The following BNC2 variants were observed in gnomAD, a reference collection of about 807,000 sequenced individuals.
BNC2 encodes the protein basonuclin zinc finger protein 2.
A neutral mutation model predicts 76.3 loss-of-function variants in BNC2; 20 were observed. The observed-to-expected ratio is 0.26, with a 90% confidence interval of 0.18 to 0.38. The LOEUF is 0.38. BNC2 is among the 10% of genes least tolerant of loss of function. The pLI is 1.00. For missense variants in BNC2, 1,382 were observed against 1,399.8 expected (o/e 0.99, Z 0.20); for synonymous variants, 582 against 514.8 (o/e 1.13, Z -1.77).
chr9:16,724,778 T>C (rs1488228680), intron 3 of BNC2, among the ~76,000 whole-genome samples: 1 of 152,154 alleles, frequency 6.6e-6, no homozygotes, highest in African/African-American at 2.4e-5. Flanking sequence ...CACATAAAAC[T>C]AGATTATTAA....
intron 1 of BNC2, among the ~76,000 whole-genome samples, chr9:16,849,257 G>C (rs1189470257): frequency 6.6e-6 from 1 of 151,150 alleles, no homozygotes. Context: ...AAATTTTCTA[G>C]AGTCTGACTT....
intron 5 of BNC2, among the ~76,000 whole-genome samples, chr9:16,450,106 T>C (rs934727507): frequency 4.6e-5 from 7 of 152,196 alleles, no homozygotes; most frequent in Admixed American, 6.5e-5. Context: ...GCCAATTTCA[T>C]TGATGCATTT....
chr9:16,626,699 A>C (rs186726126), intron 3 of BNC2, among the ~76,000 whole-genome samples: 76 of 151,738 alleles, frequency 5.0e-4, no homozygotes, highest in African/African-American at 1.2e-3. Context: ...ACACACACAC[A>C]CCCTGTATTC....
At chr9:16,844,776 T>C (rs1043189019) in intron 1 of BNC2, among the ~76,000 whole-genome samples, 1 of 152,182 alleles carries the variant, frequency 6.6e-6, no homozygotes, top group Non-Finnish European at 1.5e-5. Flanking sequence ...ATTACAGGCA[T>C]GCGCCACCGC....
At chr9:16,542,383 G>C (rs1034730663) in intron 5 of BNC2, among the ~76,000 whole-genome samples, 1 of 152,110 alleles carries the variant, frequency 6.6e-6, no homozygotes, top group African/African-American at 2.4e-5. Context: ...AAAGAAAAGA[G>C]AGAGAAGAAG....
At chr9:16,556,664 A>G (rs1818842900) in intron 4 of BNC2, among the ~76,000 whole-genome samples, 1 of 146,252 alleles carries the variant, frequency 6.8e-6, no homozygotes. Context: ...GTTACTCAGG[A>G]GGCTGAGGCA....
chr9:16,677,981 A>C (rs1822702523), intron 3 of BNC2, among the ~76,000 whole-genome samples: 2 of 152,294 alleles, frequency 1.3e-5, no homozygotes, highest in Admixed American at 1.3e-4. Flanking sequence ...CCAACATTAT[A>C]AATGAAAATG....
chr9:16,627,612 T>C (rs539698221), intron 3 of BNC2, among the ~76,000 whole-genome samples: 2 of 152,294 alleles, frequency 1.3e-5, no homozygotes, highest in African/African-American at 4.8e-5. Context: ...CCATACAATT[T>C]GAGTCTGCTT....
chr9:16,629,355 A>C (rs1288665784), intron 3 of BNC2, among the ~76,000 whole-genome samples: 1 of 152,220 alleles, frequency 6.6e-6, no homozygotes, highest in Non-Finnish European at 1.5e-5. Flanking sequence ...CAGAAGACTC[A>C]CTACATTCAG....
At position 16,700,355 on chromosome 9, in the gene BNC2, A is replaced by G. The variant is rs80228514; in HGVS notation, c.330+27442T>C. On this transcript the variant is annotated intron_variant, in intron 3 of 6. Transcript: ENST00000380672. ...CTTGAGGTCTTGATAGCAAGACCCC[A>G]TATCTACAAAAAATTAGCCAGGCTT... 5.3e-5 allele frequency among the ~76,000 whole-genome samples: 8 copies of G among 152,134 alleles called. No individual in the cohort carries two copies. In the East Asian group the frequency reaches 1.2e-3, roughly 22 times the overall value.
Position 16,772,301 on chromosome 9 carries a change from C to G in BNC2, c.4-33816G>C, listed in dbSNP as rs552585029. 1.2e-4 allele frequency among the ~76,000 whole-genome samples: 18 copies of G among 152,222 alleles called. No individual in the cohort carries two copies. The South Asian group carries it at 1.2e-3, about 11-fold the overall frequency. ...TATCAGAGTTGATACCCTTCTCCTA[C>G]AGGGGCAAGTGAATTATTAGATCTG... On this transcript the variant is annotated intron_variant, in intron 1 of 6. Transcript: ENST00000380672.
chr9:16,717,130 T>C (rs1198401002), intron 3 of BNC2, among the ~76,000 whole-genome samples: 1 of 152,224 alleles, frequency 6.6e-6, no homozygotes, highest in Non-Finnish European at 1.5e-5. Context: ...CAATTAGAAA[T>C]AGACACCTGG....
chr9:16,673,875 A>G (rs1401455338), intron 3 of BNC2, among the ~76,000 whole-genome samples: 1 of 152,224 alleles, frequency 6.6e-6, no homozygotes, highest in Non-Finnish European at 1.5e-5. Context: ...TAGTTCCCCT[A>G]CACTTAAAAA....
intron 3 of BNC2, among the ~76,000 whole-genome samples, chr9:16,598,949 A>G (rs535999148): frequency 1.3e-5 from 2 of 152,350 alleles, no homozygotes; most frequent in South Asian, 4.1e-4. Context: ...AATATTAAAT[A>G]GGGTTGTGCC....
intron 1 of BNC2, among the ~76,000 whole-genome samples, chr9:16,790,756 G>A (rs1817482420): frequency 1.3e-5 from 2 of 148,992 alleles, no homozygotes; most frequent in South Asian, 4.2e-4. Context: ...TTCACTAAGT[G>A]CTCCTAGCTA....
At chr9:16,476,693 G>A (rs1821935728) in intron 5 of BNC2, among the ~76,000 whole-genome samples, 1 of 151,992 alleles carries the variant, frequency 6.6e-6, no homozygotes, top group Non-Finnish European at 1.5e-5. Flanking sequence ...CTCAGCTTTG[G>A]CACATAGTAG....
intron 5 of BNC2, among the ~76,000 whole-genome samples, chr9:16,519,656 C>A (rs1013920206): frequency 6.6e-6 from 1 of 152,172 alleles, no homozygotes; most frequent in Non-Finnish European, 1.5e-5. Flanking sequence ...ATAGCTGCTA[C>A]TTGTGGAGTT....
intron 1 of BNC2, among the ~76,000 whole-genome samples, chr9:16,823,213 ACTTT>A (rs1818380612): frequency 6.6e-6 from 1 of 152,318 alleles, no homozygotes; most frequent in Non-Finnish European, 1.5e-5. Flanking sequence ...CTCTTCAGTG[ACTTT>A]CTAACCAACA....
intron 6 of BNC2, chr9:16,431,573 C>G (rs1378837824): frequency 2.8e-6 from 1 of 360,160 alleles, no homozygotes; most frequent in African/African-American, 2.1e-5. Context: ...GCAGACAGAT[C>G]AAGGGATAAA....
Sources: allele counts gnomAD v4.1 joint callset (sites outside exome capture counted in the v4.1 genomes callset), GRCh38; gene constraint gnomAD v4.1.1; transcripts MANE v1.5; gene names NCBI Gene and HGNC (gene_info 2026-07-23, HGNC 2026-07-21).